Variants in ASAP1 observed in about 807,000 individuals in gnomAD.
The protein encoded by ASAP1 is ArfGAP with SH3 domain, ankyrin repeat and PH domain 1, also known as arf-GAP with SH3 domain, ANK repeat and PH domain-containing protein 1.
Under a neutral mutation model 145.2 loss-of-function variants are expected in ASAP1, and 43 were observed. The ratio of observed to expected loss-of-function variants is 0.30; its 90% CI spans 0.23 to 0.38. The LOEUF (loss-of-function observed/expected upper bound fraction) is 0.38. Among genes scored for constraint, ASAP1 ranks in the 10% least tolerant of loss-of-function variants. The pLI, the probability that ASAP1 is intolerant of heterozygous loss-of-function variation, is 1.00. For synonymous variants in ASAP1, 546 were observed against 515.5 expected (o/e 1.06, Z -0.80); for missense variants, 1,018 against 1,355.3 (o/e 0.75, Z 3.91).
intron 3 of ASAP1, among the ~76,000 whole-genome samples, chr8:130,298,412 T>C (rs1822419030): frequency 6.6e-6 from 1 of 152,186 alleles, no homozygotes; most frequent in Non-Finnish European, 1.5e-5. Context: ...CCTGAATCCC[T>C]ATCTTTGCTA....
chr8:130,264,139 AAGG>A (rs758245452), intron 3 of ASAP1, among the ~76,000 whole-genome samples: 59 of 152,372 alleles, frequency 3.9e-4, no homozygotes, highest in Non-Finnish European at 7.8e-4. Context: ...ACCTCCAGAT[AAGG>A]AGAAGAGAAT....
chr8:130,317,172 A>G (rs993480881), intron 3 of ASAP1, among the ~76,000 whole-genome samples: 2 of 152,010 alleles, frequency 1.3e-5, no homozygotes, highest in African/African-American at 4.8e-5. Context: ...GAAGAAGCAA[A>G]TCTCAAATAA....
chr8:130,403,191 C>G (rs903543195), intron 1 of ASAP1, among the ~76,000 whole-genome samples: 2 of 152,172 alleles, frequency 1.3e-5, no homozygotes, highest in South Asian at 2.1e-4. Context: ...ACTACCATAC[C>G]TTAAAAAGAT....
intron 2 of ASAP1, among the ~76,000 whole-genome samples, chr8:130,365,819 T>C (rs1384202343): frequency 6.6e-6 from 1 of 152,092 alleles, no homozygotes; most frequent in Non-Finnish European, 1.5e-5. Flanking sequence ...ACTGAATGAA[T>C]GAATGAACAA....
intron 1 of ASAP1, among the ~76,000 whole-genome samples, chr8:130,427,205 T>C (rs1173022376): frequency 2.0e-5 from 3 of 152,170 alleles, no homozygotes; most frequent in Admixed American, 6.5e-5. Flanking sequence ...CCTGCTTTTC[T>C]TGATATTTTA....
intron 3 of ASAP1, among the ~76,000 whole-genome samples, chr8:130,289,319 A>G (rs1821812530): frequency 6.6e-6 from 1 of 152,276 alleles, no homozygotes; most frequent in African/African-American, 2.4e-5. Context: ...CATGCACAGA[A>G]AAAGCATCAG....
At chr8:130,108,825 G>T (rs2097542044) in intron 24 of ASAP1, among the ~76,000 whole-genome samples, 1 of 118,916 alleles carries the variant, frequency 8.4e-6, no homozygotes, top group African/African-American at 3.2e-5. Context: ...GCCCAGGCTG[G>T]AGTGCAATGG....
intron 15 of ASAP1, 110 bp from the exon 16 acceptor site, chr8:130,128,200 T>C (rs2097578143): frequency 1.3e-6 from 1 of 783,188 alleles, no homozygotes; most frequent in Non-Finnish European, 1.8e-6. Flanking sequence ...TTTTGTCAAG[T>C]AATTCCAAAA....
chr8:130,166,540 T>C (rs2097680172), intron 11 of ASAP1, among the ~76,000 whole-genome samples: 1 of 152,102 alleles, frequency 6.6e-6, no homozygotes, highest in African/African-American at 2.4e-5. Flanking sequence ...GAGTTTTCCA[T>C]CTCTGGGTCT....
chr8:130,216,061 AAAAGG>A (rs71302401), intron 4 of ASAP1, among the ~76,000 whole-genome samples: 14,742 of 151,400 alleles, frequency 0.097, 910 homozygotes, highest in Non-Finnish European at 0.14. Flanking sequence ...AAGAAAAGGA[AAAAGG>A]AAAGGAAAGG....
chr8:130,074,739 CAAGGTGCTCCT>C (rs1332346524), intron 27 of ASAP1, among the ~76,000 whole-genome samples: 1 of 152,198 alleles, frequency 6.6e-6, no homozygotes, highest in African/African-American at 2.4e-5. Context: ...GGAACAGAAA[CAAGGTGCTCCT>C]AAGGAGAGGA....
Position 130,341,872 on chromosome 8 carries a change from A to C in ASAP1, c.186+16145T>G, listed in dbSNP as rs193277462. Among the ~76,000 whole-genome samples, 8 of 152,346 alleles carry C rather than the reference A, an allele frequency of 5.3e-5. No homozygotes were observed. In the East Asian group the frequency reaches 1.5e-3, roughly 29 times the overall value. On this transcript the variant is annotated intron_variant, in intron 3 of 29. Transcript: ENST00000518721. Reference sequence around the variant, plus strand: ...AAAAGAGCAGCAAGAAACGAGAGTCAAACTAGGAGACTCTTGGCATTGTTT... The same window carrying C: ...AAAAGAGCAGCAAGAAACGAGAGTCCAACTAGGAGACTCTTGGCATTGTTT...
At chr8:130,322,277 G>C (rs1824054716) in intron 3 of ASAP1, among the ~76,000 whole-genome samples, 2 of 150,900 alleles carry the variant, frequency 1.3e-5, no homozygotes, top group Admixed American at 1.3e-4. Flanking sequence ...AGTCTCTCTG[G>C]AGATGAATTT....
intron 3 of ASAP1, among the ~76,000 whole-genome samples, chr8:130,312,590 T>A (rs942574650): frequency 6.6e-6 from 1 of 152,206 alleles, no homozygotes. Flanking sequence ...TACACAGGCA[T>A]TATCTCACTG....
At chr8:130,088,216 C>T (rs889427054) in intron 25 of ASAP1, among the ~76,000 whole-genome samples, 1 of 152,140 alleles carries the variant, frequency 6.6e-6, no homozygotes, top group Non-Finnish European at 1.5e-5. Flanking sequence ...CCACAACCTC[C>T]GCCTCCCGAA....
At chr8:130,207,905 G>A (rs1427064818) in intron 5 of ASAP1, among the ~76,000 whole-genome samples, 1 of 152,184 alleles carries the variant, frequency 6.6e-6, no homozygotes, top group Non-Finnish European at 1.5e-5. Context: ...CTATTAAAGT[G>A]CGAAGGAAGC....
intron 3 of ASAP1, among the ~76,000 whole-genome samples, chr8:130,332,089 G>A (rs1824728295): frequency 1.3e-5 from 2 of 152,162 alleles, no homozygotes; most frequent in African/African-American, 4.8e-5. Flanking sequence ...TTGGAGGCCT[G>A]TTAACTTGGT....
chr8:130,152,713 G>C, intron 13 of ASAP1, 23 bp downstream of exon 13: 1 of 1,582,776 alleles, frequency 6.3e-7, no homozygotes, highest in Non-Finnish European at 8.6e-7. Context: ...CATGAGGCAG[G>C]GTAAATTAAG....
At chr8:130,279,494 C>T (rs1011434474) in intron 3 of ASAP1, among the ~76,000 whole-genome samples, 1 of 152,144 alleles carries the variant, frequency 6.6e-6, no homozygotes, top group Admixed American at 6.6e-5. Flanking sequence ...GGGGGGAATG[C>T]AAATCATAAA....
Sources: gnomAD v4.1 joint callset for allele counts (sites outside exome capture counted in the v4.1 genomes callset) on GRCh38, gnomAD v4.1.1 for gene constraint, MANE v1.5 for transcripts, NCBI Gene and HGNC (gene_info 2026-07-23, HGNC 2026-07-21) for gene names.